Variants in GLRA3 observed in about 807,000 individuals in gnomAD.
GLRA3 encodes the protein glycine receptor subunit alpha-3.
GLRA3 carries 44 observed loss-of-function variants against 60.4 expected under a neutral mutation model. The observed-to-expected ratio is 0.73, with a 90% CI of 0.57 to 0.94. GLRA3 has a LOEUF of 0.94. Among genes scored for constraint, GLRA3 ranks in the 40% least tolerant of loss-of-function variants. The pLI is 0.00. For synonymous variants in GLRA3, 223 were observed against 192.9 expected, an observed-to-expected ratio of 1.16 and a Z score of -1.29; for missense variants, 508 against 564.6, an observed-to-expected ratio of 0.90 and a Z score of 1.02.
chr4:174,702,993 C>G (rs955307336), intron 5 of GLRA3, among the ~76,000 whole-genome samples: 1 of 152,130 alleles, frequency 6.6e-6, no homozygotes, highest in Non-Finnish European at 1.5e-5. Context: ...CCCTTACTCA[C>G]GCCCAGTGCT....
intron 5 of GLRA3, among the ~76,000 whole-genome samples, chr4:174,705,084 G>C (rs1215116419): frequency 6.9e-6 from 1 of 144,068 alleles, no homozygotes; most frequent in Non-Finnish European, 1.5e-5. Flanking sequence ...CATTTTGTTT[G>C]TATATTGTTA....
chr4:174,654,312 A>T (rs114647709), intron 9 of GLRA3, among the ~76,000 whole-genome samples: 1 of 151,924 alleles, frequency 6.6e-6, no homozygotes, highest in African/African-American at 2.4e-5. Context: ...TATCCTTAGA[A>T]GCTATCATGA....
At chr4:174,651,904 G>T (rs552939430) in intron 9 of GLRA3, among the ~76,000 whole-genome samples, 2 of 152,074 alleles carry the variant, frequency 1.3e-5, no homozygotes, top group African/African-American at 2.4e-5. Flanking sequence ...TCAGAAACAG[G>T]ATCTCAACTC....
chr4:174,679,100 G>C lies in GLRA3; in HGVS notation c.713-1808C>G, dbSNP rs369257558. 3.0e-4 allele frequency among the ~76,000 whole-genome samples: 45 copies of C among 152,210 alleles called. No homozygotes were observed. The South Asian group carries it at 8.9e-3, about 30-fold the overall frequency. On this transcript the variant is annotated intron_variant, in intron 6 of 9. Coordinates refer to ENST00000274093, the MANE Select transcript of GLRA3 (RefSeq NM_006529.4). The stretch of plus-strand genomic sequence containing the variant: ...CAATCCCAGCACTTTGGGAGGCCGA[G>C]GCGGGAGAATCATGAGGTCAGGAGA...
chr4:174,808,037 G>C (rs1740117815), intron 1 of GLRA3, among the ~76,000 whole-genome samples: 1 of 152,030 alleles, frequency 6.6e-6, no homozygotes, highest in Non-Finnish European at 1.5e-5. Context: ...CAGAAGAAGA[G>C]AGAACTCTAG....
rs2110825074 is a variant in GLRA3 at position 174,640,169 on chromosome 4, C to A, written c.*3617G>T. 6.6e-6 allele frequency: 1 copy of A among 152,126 alleles called. No homozygotes were observed. The highest frequency in any genetic ancestry group is 1.5e-5 in the Non-Finnish European group (1 of 67,940). The allele number at this position is 152,126 out of a possible 1,614,324, so 9.4% of individuals were successfully genotyped here. On this transcript the variant is annotated 3_prime_UTR_variant, in exon 10 of 10. Transcript: ENST00000274093. ...GAATCACTTTTGGAGTAGAAGATAT[C>A]ATGACCTCAAGGATTGTTAATGATA...
In GLRA3 at chr4:174,715,541, T is replaced by A; in HGVS notation, c.521A>T (p.Asp174Val). ...TACATCCATGGGAAAATTCTTGAGA[T>A]CCATTGGACAGGAAAGTGTTAATGT... ...RLTLTLSCPM[D>V]LKNFPMDVQT... is the part of the protein sequence containing the mutation. The change falls in exon 5 of 10, where the codon GAT becomes GTT. Residue 174 changes from aspartate to valine, a missense_variant. Asp to Val is a radical substitution (Grantham distance 152). Around this residue, in one of 3 missense-constraint regions of GLRA3, gnomAD observed 329 missense variants for 349.3 expected, o/e 0.94. Transcript: ENST00000274093. 1 of 1,552,840 alleles carries A rather than the reference T, an allele frequency of 6.4e-7. No homozygotes were observed. The highest frequency in any genetic ancestry group is 8.9e-7 in the Non-Finnish European group (1 of 1,128,404).
At chr4:174,782,402 T>C (rs1332212410) in intron 2 of GLRA3, among the ~76,000 whole-genome samples, 2 of 151,194 alleles carry the variant, frequency 1.3e-5, no homozygotes, top group African/African-American at 2.4e-5. Flanking sequence ...CTTTGAAAAC[T>C]GGCACAAGAC....
chr4:174,761,108 G>A (rs1486750856), intron 3 of GLRA3, among the ~76,000 whole-genome samples: 1 of 151,992 alleles, frequency 6.6e-6, no homozygotes, highest in East Asian at 1.9e-4. Context: ...AATTTCTTAA[G>A]ATGGTGATAG....
At chr4:174,824,685 A>G (rs1361277694) in intron 1 of GLRA3, among the ~76,000 whole-genome samples, 3 of 152,166 alleles carry the variant, frequency 2.0e-5, no homozygotes, top group Non-Finnish European at 4.4e-5. Context: ...TTCTCTTTAT[A>G]TATCATTTTG....
At chr4:174,767,150 AC>A in intron 2 of GLRA3, 120 bp from the exon 3 acceptor site, 1 of 583,742 alleles carries the variant, frequency 1.7e-6, no homozygotes. Flanking sequence ...ACACACACAC[AC>A]ACACAGATGC....
intron 3 of GLRA3, among the ~76,000 whole-genome samples, chr4:174,762,253 T>C (rs1474769351): frequency 2.0e-5 from 3 of 152,182 alleles, no homozygotes; most frequent in Non-Finnish European, 2.9e-5. Context: ...GGTGCTTCTA[T>C]GATGGAAATT....
chr4:174,668,869 T>A (rs969394126), intron 7 of GLRA3, among the ~76,000 whole-genome samples: 1 of 152,194 alleles, frequency 6.6e-6, no homozygotes, highest in Non-Finnish European at 1.5e-5. Context: ...ATGCTTTTGA[T>A]GAGCTAAAAT....
intron 2 of GLRA3, among the ~76,000 whole-genome samples, chr4:174,785,206 A>G (rs545374902): frequency 1.3e-5 from 2 of 152,260 alleles, no homozygotes; most frequent in East Asian, 1.9e-4. Context: ...AACAAACACC[A>G]TAATTTTGGT....
chr4:174,805,124 A>G (rs894299491), intron 1 of GLRA3, among the ~76,000 whole-genome samples: 1 of 152,144 alleles, frequency 6.6e-6, no homozygotes, highest in African/African-American at 2.4e-5. Flanking sequence ...TAAAAAAGAA[A>G]TGATTTGGGA....
chr4:174,673,187 A>G (rs1407310606), intron 7 of GLRA3, among the ~76,000 whole-genome samples: 1 of 152,068 alleles, frequency 6.6e-6, no homozygotes, highest in Non-Finnish European at 1.5e-5. Context: ...TGTATATAAT[A>G]TTGCTGTATA....
intron 5 of GLRA3, among the ~76,000 whole-genome samples, chr4:174,714,061 T>C (rs1264086335): frequency 6.6e-6 from 1 of 152,196 alleles, no homozygotes; most frequent in Admixed American, 6.5e-5. Context: ...CCTCTCCTGT[T>C]TCTACCTTCC....
At chr4:174,729,006 T>C (rs1156595649) in intron 3 of GLRA3, among the ~76,000 whole-genome samples, 1 of 152,202 alleles carries the variant, frequency 6.6e-6, no homozygotes, top group Non-Finnish European at 1.5e-5. Context: ...CAGGAACCAA[T>C]GGCATCCTCG....
intron 1 of GLRA3, among the ~76,000 whole-genome samples, chr4:174,825,467 T>C (rs1740929053): frequency 6.6e-6 from 1 of 152,088 alleles, no homozygotes; most frequent in Admixed American, 6.5e-5. Context: ...TTTATTCAAG[T>C]AGCAATACTG....
Sources: gnomAD v4.1 joint callset for allele counts (sites outside exome capture counted in the v4.1 genomes callset) on GRCh38, gnomAD v4.1.1 for gene constraint, gnomAD v4.1.1 regional missense constraint, MANE v1.5 for transcripts, NCBI Gene and HGNC (gene_info 2026-07-23, HGNC 2026-07-21) for gene names.